XPO7: variants seen among roughly 807,000 people sequenced by gnomAD.
XPO7 encodes exportin-7.
A neutral mutation model predicts 144.3 loss-of-function variants in XPO7; 21 were observed. The ratio of observed to expected loss-of-function variants is 0.15; its 90% CI spans 0.10 to 0.21. XPO7 has a LOEUF of 0.21. XPO7 is among the 10% of genes least tolerant of loss of function. The pLI is 1.00. For missense variants in XPO7, 808 were observed against 1,325.8 expected (o/e 0.61, Z 6.06); for synonymous variants, 580 against 499.6 (o/e 1.16, Z -2.15).
chr8:21,922,492 G>T (rs1006313086), intron 1 of XPO7, among the ~76,000 whole-genome samples: 2 of 151,948 alleles, frequency 1.3e-5, no homozygotes, highest in Non-Finnish European at 1.5e-5. Flanking sequence ...CTTTGCGTGG[G>T]AGAAAAAAAT....
chr8:21,944,538 G>C (rs1237595185), intron 1 of XPO7, among the ~76,000 whole-genome samples: 2 of 152,148 alleles, frequency 1.3e-5, no homozygotes, highest in Admixed American at 6.5e-5. Context: ...CTGTACTCCA[G>C]CCTGGGCGAC....
intron 1 of XPO7, among the ~76,000 whole-genome samples, chr8:21,960,271 A>T (rs1432395427): frequency 2.0e-5 from 3 of 152,142 alleles, no homozygotes; most frequent in African/African-American, 7.2e-5. Flanking sequence ...AAAACCAAAA[A>T]TGACTGTGGG....
intron 11 of XPO7, among the ~76,000 whole-genome samples, chr8:21,983,806 A>C (rs574013675): frequency 1.3e-5 from 2 of 152,248 alleles, no homozygotes; most frequent in Non-Finnish European, 2.9e-5. Flanking sequence ...ATGACCTGGC[A>C]CAGTGTGTAG....
intron 24 of XPO7, 125 bp downstream of exon 24, chr8:21,999,799 A>G: frequency 1.6e-6 from 2 of 1,238,486 alleles, no homozygotes; most frequent in Non-Finnish European, 2.3e-6. Flanking sequence ...TGGCCATAAC[A>G]ATAGAGTATA....
rs182749399 is a variant in XPO7 at position 21,932,893 on chromosome 8, G to A, written c.18+13105G>A. 1.3e-3 allele frequency among the ~76,000 whole-genome samples: 204 copies of A among 152,036 alleles called. 1 individual carries two copies. Among genetic ancestry groups the A allele is most frequent in the African/African-American group, 4.5e-3 (185 of 41,424 alleles). On this transcript the variant is annotated intron_variant, in intron 1 of 27. Coordinates refer to ENST00000252512, the MANE Select transcript of XPO7 (RefSeq NM_015024.5). ...GCATTCAAGGAAAGTTGGCTGTAAT[G>A]TATATTTAATATTCACATTGACCTC...
At chr8:21,963,876 C>G (rs1012546988) in intron 1 of XPO7, among the ~76,000 whole-genome samples, 2 of 152,154 alleles carry the variant, frequency 1.3e-5, no homozygotes, top group African/African-American at 4.8e-5. Flanking sequence ...GGTCTGTAAT[C>G]TCAACAAATC....
Position 21,970,204 on chromosome 8 carries a change from C to T in XPO7, c.320C>T (p.Ala107Val). The change falls in exon 4 of 28, where the codon GCA becomes GTA. Residue 107 changes from alanine (A) to valine (V), a missense_variant. Physicochemically the swap from Ala to Val is moderately conservative, Grantham distance 64. Transcript: ENST00000252512. ...AAGTTGGCTACTTTCGTGACACAAG[C>T]ACTTATTCAGTTATATGCCAGAATC... ...RPKLATFVTQ[A>V]LIQLYARITK... is the part of the protein sequence containing the mutation. 6.2e-7 allele frequency: 1 copy of T among 1,613,778 alleles called. No homozygotes were observed. Among genetic ancestry groups the T allele is most frequent in the Non-Finnish European group, 8.5e-7 (1 of 1,179,816 alleles).
Position 21,991,949 on chromosome 8 carries a change from A to G in XPO7, c.2123A>G (p.Asn708Ser), listed in dbSNP as rs1207862932. Residue 708 changes from asparagine to serine, a missense_variant, in exon 19 of 28, where the codon AAT becomes AGT. This residue lies in a region of XPO7 where 416 missense variants were observed against 612.5 expected (regional missense o/e 0.68). Transcript: ENST00000252512. ...FEAVAQMFST[N>S]SFNEQEAKRT... is the part of the protein sequence containing the mutation. Reference sequence around the variant, plus strand: ...GCTGTGGCCCAGATGTTTAGCACCAATAGTTTCAACGAGCAGGAGGCAAAG... The same window carrying G: ...GCTGTGGCCCAGATGTTTAGCACCAGTAGTTTCAACGAGCAGGAGGCAAAG... 11 of 1,613,618 alleles carry G rather than the reference A, an allele frequency of 6.8e-6. No homozygotes were observed. Among genetic ancestry groups the G allele is most frequent in the Middle Eastern group, 1.6e-4 (1 of 6,062 alleles).
chr8:21,946,217 A>G (rs1040579960), intron 1 of XPO7, among the ~76,000 whole-genome samples: 5 of 152,230 alleles, frequency 3.3e-5, no homozygotes, highest in South Asian at 2.1e-4. Flanking sequence ...CACACTTCGG[A>G]TACTGACTTC....
chr8:21,930,114 C>A (rs888667749), intron 1 of XPO7, among the ~76,000 whole-genome samples: 3 of 152,178 alleles, frequency 2.0e-5, no homozygotes, highest in Non-Finnish European at 2.9e-5. Context: ...CAACTTCTGC[C>A]ATTTCTGGTT....
At chr8:21,950,977 A>T (rs1811350892) in intron 1 of XPO7, among the ~76,000 whole-genome samples, 1 of 151,968 alleles carries the variant, frequency 6.6e-6, no homozygotes, top group Admixed American at 6.6e-5. Flanking sequence ...CAAAAAAAAA[A>T]ATTAGTTGGG....
In XPO7 at chr8:21,994,751, G is replaced by A. The variant is rs190012751; in HGVS notation, c.2237+300G>A. Among the ~76,000 whole-genome samples, 235 of 152,110 alleles carry A rather than the reference G, an allele frequency of 1.5e-3. 3 individuals carry two copies. Among genetic ancestry groups the A allele is most frequent in the Non-Finnish European group, 1.6e-3 (110 of 67,986 alleles). ...TTGCTATATTTAGAGAGATGTTTCA[G>A]TCTGCTGAAAAAAATAAAAAGGCCA... On this transcript the variant is annotated intron_variant, in intron 20 of 27. Coordinates refer to ENST00000252512, the MANE Select transcript of XPO7 (RefSeq NM_015024.5).
chr8:21,935,160 G>C (rs534827510), intron 1 of XPO7, among the ~76,000 whole-genome samples: 1 of 152,298 alleles, frequency 6.6e-6, no homozygotes, highest in Non-Finnish European at 1.5e-5. Context: ...AGTTCTATTA[G>C]GTTTGGGCCC....
Position 21,987,153 on chromosome 8 carries a change from G to A in XPO7, c.1590G>A (p.Leu530=), listed in dbSNP as rs1287445712. 1 of 1,613,952 alleles carries A rather than the reference G, an allele frequency of 6.2e-7. No individual in the cohort carries two copies. The change falls in exon 14 of 28, where the codon CTG becomes CTA. Residue 530 remains leucine (L), a synonymous_variant. Transcript: ENST00000252512. ...CCTCTTCCTCCAGGGTGCTCCAGCT[G>A]ATGAACCTAACAGATTCTCGTTTGG... The part of the protein sequence containing the change: ...DGELVCRVLQ[L]MNLTDSRLAQ...
intron 8 of XPO7, among the ~76,000 whole-genome samples, chr8:21,979,854 A>G (rs1363340305): frequency 1.3e-5 from 2 of 152,150 alleles, no homozygotes; most frequent in African/African-American, 4.8e-5. Flanking sequence ...CTCAGCAAGA[A>G]CAAAGATGCC....
Position 21,985,078 on chromosome 8 carries a change from C to T in XPO7, c.1471+239C>T, listed in dbSNP as rs558272165. Among the ~76,000 whole-genome samples, 187 of 148,800 alleles carry T rather than the reference C, an allele frequency of 1.3e-3. 1 individual carries two copies. The highest frequency in any genetic ancestry group is 2.0e-3 in the Admixed American group (30 of 15,004). ...GAGATGAGGTCTCGCTATGTTGCCA[C>T]GTGGGCCTTGTACTTCTTGGCTCAA... On this transcript the variant is annotated intron_variant, in intron 12 of 27. Coordinates refer to ENST00000252512, the MANE Select transcript of XPO7 (RefSeq NM_015024.5).
At chr8:21,966,127 A>G in intron 1 of XPO7, 4 of 625,872 alleles carry the variant, frequency 6.4e-6, no homozygotes, top group Non-Finnish European at 1.1e-5. Context: ...CCTCCCTGGA[A>G]CTGGTTCAAG....
intron 13 of XPO7, 24 bp from the exon 14 acceptor site, chr8:21,987,117 G>C (rs762467153): frequency 1.9e-5 from 30 of 1,613,064 alleles, no homozygotes; most frequent in Non-Finnish European, 1.7e-6. Flanking sequence ...GCTGTTGAGA[G>C]AATCATTGCT....
chr8:21,952,589 TTAAC>T (rs1369474107), intron 1 of XPO7, among the ~76,000 whole-genome samples: 1 of 152,220 alleles, frequency 6.6e-6, no homozygotes, highest in East Asian at 1.9e-4. Flanking sequence ...CTTTATAAAT[TTAAC>T]TAATCGAAGG....
Sources: gnomAD v4.1 joint callset for allele counts (sites outside exome capture counted in the v4.1 genomes callset) on GRCh38, gnomAD v4.1.1 for gene constraint, gnomAD v4.1.1 regional missense constraint, MANE v1.5 for transcripts, NCBI Gene and HGNC (gene_info 2026-07-23, HGNC 2026-07-21) for gene names.